Variants in PACRG observed in about 807,000 individuals in gnomAD.
The protein encoded by PACRG is parkin coregulated.
Under a neutral mutation model 29.7 loss-of-function variants are expected in PACRG, and 29 were observed. That is an observed-to-expected ratio of 0.98 (90% CI 0.73 to 1.33). The LOEUF (loss-of-function observed/expected upper bound fraction) is 1.33, where lower values mean the gene tolerates loss of function less well. Among genes scored for constraint, PACRG ranks in the 40% most tolerant of loss-of-function variants. The pLI is 0.00. For missense variants in PACRG, 279 were observed against 316.2 expected (o/e 0.88, Z 0.89); for synonymous variants, 116 against 118.7 (o/e 0.98, Z 0.15).
chr6:162,784,317 T>A (rs1584342792), intron 1 of PACRG, among the ~76,000 whole-genome samples: 2 of 152,330 alleles, frequency 1.3e-5, no homozygotes, highest in Non-Finnish European at 2.9e-5. Flanking sequence ...TTTCAGTCCT[T>A]GTTCTAATAC....
intron 1 of PACRG, among the ~76,000 whole-genome samples, chr6:162,786,788 G>A (rs1784497631): frequency 6.6e-6 from 1 of 150,572 alleles, no homozygotes. Context: ...ACTTTTTAAT[G>A]TTTTGAAGGT....
chr6:163,125,329 T>C (rs1816473000), intron 4 of PACRG, among the ~76,000 whole-genome samples: 1 of 152,172 alleles, frequency 6.6e-6, no homozygotes, highest in African/African-American at 2.4e-5. Context: ...TGTTAAATAA[T>C]TTCAGAGTGA....
chr6:163,104,842 G>A (rs1269589192), intron 4 of PACRG, among the ~76,000 whole-genome samples: 2 of 152,152 alleles, frequency 1.3e-5, no homozygotes, highest in Non-Finnish European at 2.9e-5. Context: ...CTCTTGCCAT[G>A]TATACTTCAA....
chr6:162,996,655 G>T (rs1438212895), intron 2 of PACRG, among the ~76,000 whole-genome samples: 1 of 152,186 alleles, frequency 6.6e-6, no homozygotes, highest in African/African-American at 2.4e-5. Context: ...AAAATAGCAT[G>T]TGGAATTTAT....
chr6:163,150,775 G>C (rs1778051407), intron 4 of PACRG, among the ~76,000 whole-genome samples: 1 of 152,208 alleles, frequency 6.6e-6, no homozygotes, highest in African/African-American at 2.4e-5. Context: ...CAACAGTCTT[G>C]AGGGTCACTA....
At chr6:162,860,907 A>G (rs1468953821) in intron 2 of PACRG, among the ~76,000 whole-genome samples, 1 of 152,190 alleles carries the variant, frequency 6.6e-6, no homozygotes, top group Non-Finnish European at 1.5e-5. Flanking sequence ...GCTTGAGAGA[A>G]TGAGTAAAGT....
chr6:163,013,564 A>G (rs1388940317), intron 2 of PACRG, among the ~76,000 whole-genome samples: 1 of 152,170 alleles, frequency 6.6e-6, no homozygotes, highest in African/African-American at 2.4e-5. Context: ...CCTTCTAAAA[A>G]TGATCACTGA....
intron 2 of PACRG, among the ~76,000 whole-genome samples, chr6:163,035,812 CAAAA>C (rs1156795173): frequency 1.6e-5 from 1 of 64,234 alleles, no homozygotes; most frequent in Admixed American, 2.0e-4. Flanking sequence ...GACTCTGTCT[CAAAA>C]AAAAAAAAAA....
In PACRG at chr6:163,315,069, T is replaced by C. The variant is rs1488573977; in HGVS notation, c.*82T>C. 6.8e-7 allele frequency: 1 copy of C among 1,468,176 alleles called. No homozygotes were observed. The allele number at this position is 1,468,176 out of a possible 1,614,324, so 90.9% of individuals were successfully genotyped here. On this transcript the variant is annotated 3_prime_UTR_variant, in exon 5 of 5. Transcript: ENST00000366888. Reference sequence around the variant, plus strand: ...GTTGCTTTTAGCATCTCATTCCTTGTGACTTCCACAGCTTTCTTTTCTACA... The same window carrying C: ...GTTGCTTTTAGCATCTCATTCCTTGCGACTTCCACAGCTTTCTTTTCTACA...
At chr6:162,878,431 A>C (rs1470413470) in intron 2 of PACRG, among the ~76,000 whole-genome samples, 1 of 152,236 alleles carries the variant, frequency 6.6e-6, no homozygotes, top group Non-Finnish European at 1.5e-5. Context: ...TTTAACAAAT[A>C]AAATCTATTT....
chr6:162,749,454 A>G (rs987308364), intron 1 of PACRG, among the ~76,000 whole-genome samples: 2 of 152,196 alleles, frequency 1.3e-5, no homozygotes, highest in Admixed American at 6.5e-5. Context: ...CTTATTACAG[A>G]GTATGTATAA....
At chr6:163,002,404 T>G (rs1428798009) in intron 2 of PACRG, among the ~76,000 whole-genome samples, 1 of 152,162 alleles carries the variant, frequency 6.6e-6, no homozygotes, top group Non-Finnish European at 1.5e-5. Flanking sequence ...CAAAATGCCT[T>G]CTAATGCTAT....
At chr6:162,850,153 T>A (rs894061552) in intron 2 of PACRG, among the ~76,000 whole-genome samples, 1 of 152,036 alleles carries the variant, frequency 6.6e-6, no homozygotes, top group Non-Finnish European at 1.5e-5. Flanking sequence ...TGGTCTATGA[T>A]CTGTCAATCT....
At chr6:162,990,856 G>A (rs1191658965) in intron 2 of PACRG, among the ~76,000 whole-genome samples, 1 of 119,432 alleles carries the variant, frequency 8.4e-6, no homozygotes, top group Non-Finnish European at 1.6e-5. Flanking sequence ...TTCTTCTAGG[G>A]TTTTTATGGT....
intron 4 of PACRG, among the ~76,000 whole-genome samples, chr6:163,296,772 G>C (rs895365694): frequency 5.3e-5 from 8 of 152,164 alleles, no homozygotes; most frequent in Non-Finnish European, 1.0e-4. Flanking sequence ...CTTTCAGACA[G>C]GGCAATAATT....
chr6:162,814,006 G>A (rs1376882584), intron 1 of PACRG, 141 bp from the exon 2 acceptor site: 3 of 850,532 alleles, frequency 3.5e-6, no homozygotes, highest in East Asian at 2.9e-5. Flanking sequence ...ACAGATTTCT[G>A]TTGTCCCTTA....
chr6:163,256,805 C>T (rs1316465946), intron 4 of PACRG, among the ~76,000 whole-genome samples: 1 of 152,108 alleles, frequency 6.6e-6, no homozygotes, highest in Non-Finnish European at 1.5e-5. Flanking sequence ...AACTAATGAC[C>T]GCAACTTGGT....
intron 2 of PACRG, among the ~76,000 whole-genome samples, chr6:162,995,713 C>G (rs148798497): frequency 6.6e-6 from 1 of 152,216 alleles, no homozygotes; most frequent in Non-Finnish European, 1.5e-5. Flanking sequence ...GCGTCGCTCA[C>G]GCTGGGAGCT....
intron 4 of PACRG, among the ~76,000 whole-genome samples, chr6:163,243,527 A>G (rs1250919656): frequency 6.6e-6 from 1 of 152,000 alleles, no homozygotes; most frequent in African/African-American, 2.4e-5. Flanking sequence ...AAGACTGTGT[A>G]GCTGGTTGGC....
Sources: allele counts gnomAD v4.1 joint callset (sites outside exome capture counted in the v4.1 genomes callset), GRCh38; gene constraint gnomAD v4.1.1; transcripts MANE v1.5; gene names NCBI Gene and HGNC (gene_info 2026-07-23, HGNC 2026-07-21).